The following PDK3 variants were observed in gnomAD, a reference collection of about 807,000 sequenced individuals.
PDK3 encodes pyruvate dehydrogenase kinase, isozyme 3.
A neutral mutation model predicts 32.0 loss-of-function variants in PDK3; 12 were observed. The ratio of observed to expected loss-of-function variants is 0.37; its 90% CI spans 0.24 to 0.61. The LOEUF (loss-of-function observed/expected upper bound fraction) is 0.61. Ranked by LOEUF, PDK3 falls within the 20% of genes least tolerant of loss-of-function variation. PDK3 has a pLI of 0.65. For synonymous variants in PDK3, 122 were observed against 116.3 expected, an observed-to-expected ratio of 1.05 and a Z score of -0.31; for missense variants, 188 against 316.9, an observed-to-expected ratio of 0.59 and a Z score of 3.09.
chrX:24,511,393 G>A (rs1007587758), intron 5 of PDK3, among the ~76,000 whole-genome samples: 1 of 111,831 alleles, frequency 8.9e-6, no homozygotes, highest in African/African-American at 3.2e-5. Context: ...TGGATGTTAC[G>A]AGAGTAAGGG....
At chrX:24,533,307 T>C (rs183776859) in intron 10 of PDK3, among the ~76,000 whole-genome samples, 66 of 108,262 alleles carry the variant, frequency 6.1e-4, no homozygotes, top group Non-Finnish European at 1.0e-3. Flanking sequence ...CGGCTAATTT[T>C]TTGTATTTTT....
At chrX:24,491,719 CT>C (rs1277284190) in intron 1 of PDK3, among the ~76,000 whole-genome samples, 1 of 111,416 alleles carries the variant, frequency 9.0e-6, no homozygotes, top group Non-Finnish European at 1.9e-5. Flanking sequence ...CTTTGGGAGG[CT>C]GAGACGGGAG....
At chrX:24,524,985 C>T (rs769553787) in intron 6 of PDK3, among the ~76,000 whole-genome samples, 188 of 110,437 alleles carry the variant, frequency 1.7e-3, no homozygotes, top group African/African-American at 4.8e-3. Flanking sequence ...GGCAAAACCC[C>T]GTCTCTACTA....
At chrX:24,479,455 C>T (rs1436703029) in intron 1 of PDK3, among the ~76,000 whole-genome samples, 1 of 111,510 alleles carries the variant, frequency 9.0e-6, no homozygotes, top group African/African-American at 3.3e-5. Context: ...TTGACCTGAG[C>T]TTGACTTCAG....
chrX:24,466,241 G>A (rs1660202237), intron 1 of PDK3, among the ~76,000 whole-genome samples: 2 of 111,710 alleles, frequency 1.8e-5, no homozygotes, highest in Admixed American at 9.5e-5. Context: ...GTGGGCTGGT[G>A]GGCGGCTTTC....
At chrX:24,494,226 G>A (rs1921644006) in intron 1 of PDK3, among the ~76,000 whole-genome samples, 1 of 112,260 alleles carries the variant, frequency 8.9e-6, no homozygotes, top group Non-Finnish European at 1.9e-5. Context: ...GAAGCACAGG[G>A]TCTCTGGGGT....
intron 1 of PDK3, among the ~76,000 whole-genome samples, chrX:24,477,326 T>C (rs1011088455): frequency 1.6e-4 from 18 of 111,818 alleles, no homozygotes; most frequent in African/African-American, 3.6e-4. Flanking sequence ...TAAAGTGCCA[T>C]TGGCCATTTT....
intron 5 of PDK3, among the ~76,000 whole-genome samples, chrX:24,509,665 C>T (rs1413285573): frequency 9.0e-6 from 1 of 111,600 alleles, no homozygotes; most frequent in African/African-American, 3.3e-5. Context: ...AGGAAAAAAA[C>T]AGTGGAGGTG....
At chrX:24,523,749 C>G (rs189315579) in intron 6 of PDK3, among the ~76,000 whole-genome samples, 3 of 111,634 alleles carry the variant, frequency 2.7e-5, no homozygotes, top group African/African-American at 9.8e-5. Context: ...ATTTGGGGGC[C>G]TCTCTGCTCA....
At chrX:24,502,930 C>T (rs1378123057) in intron 3 of PDK3, among the ~76,000 whole-genome samples, 2 of 111,999 alleles carry the variant, frequency 1.8e-5, no homozygotes, top group African/African-American at 6.5e-5. Flanking sequence ...TTTAATCAGT[C>T]CTTGGAGATT....
intron 5 of PDK3, among the ~76,000 whole-genome samples, chrX:24,507,551 T>C (rs921170406): frequency 8.9e-6 from 1 of 112,039 alleles, no homozygotes; most frequent in Non-Finnish European, 1.9e-5. Flanking sequence ...AAAGCAATGC[T>C]AGTACACAGT....
chrX:24,484,471 A>G (rs1215569743), intron 1 of PDK3, among the ~76,000 whole-genome samples: 2 of 112,805 alleles, frequency 1.8e-5, no homozygotes, highest in African/African-American at 6.4e-5. Context: ...CTGGGCCCAC[A>G]GAGAAATCCA....
At position 24,477,242 on chromosome X, in the gene PDK3, C is replaced by T. The variant is rs373555060; in HGVS notation, c.106+11681C>T. 4.5e-5 allele frequency among the ~76,000 whole-genome samples: 5 copies of T among 111,952 alleles called. No individual in the cohort carries two copies. In the South Asian group the frequency reaches 1.1e-3, roughly 25 times the overall value. ...CAAAATGAGGTTTTATGATTTTAAT[C>T]GCATCATAGGTAACATAGGAATGAA... On this transcript the variant is annotated intron_variant, in intron 1 of 10. Transcript: ENST00000379162.
chrX:24,470,334 T>C (rs1920977636), intron 1 of PDK3, among the ~76,000 whole-genome samples: 2 of 111,911 alleles, frequency 1.8e-5, no homozygotes, highest in African/African-American at 3.2e-5. Flanking sequence ...TTCTGTGTTA[T>C]TGATCTCTGT....
At chrX:24,501,815 T>C (rs953637919) in intron 3 of PDK3, among the ~76,000 whole-genome samples, 1 of 112,719 alleles carries the variant, frequency 8.9e-6, no homozygotes, top group African/African-American at 3.2e-5. Flanking sequence ...TTTTGCTGTA[T>C]GTTGCTGATT....
chrX:24,528,823 G>A (rs1602127045), intron 9 of PDK3, among the ~76,000 whole-genome samples: 1 of 111,619 alleles, frequency 9.0e-6, no homozygotes, highest in Non-Finnish European at 1.9e-5. Flanking sequence ...ATCCTGGTAG[G>A]GCCACACTTG....
chrX:24,491,285 A>G (rs1284970188), intron 1 of PDK3, among the ~76,000 whole-genome samples: 1 of 109,812 alleles, frequency 9.1e-6, no homozygotes, highest in East Asian at 2.8e-4. Flanking sequence ...TCTCAAAAAA[A>G]AAAAAAAAGA....
chrX:24,507,680 A>G (rs1179861395), intron 5 of PDK3, among the ~76,000 whole-genome samples: 1 of 112,487 alleles, frequency 8.9e-6, no homozygotes, highest in East Asian at 2.8e-4. Context: ...TGTTTCTGGC[A>G]TAAATTATAA....
intron 5 of PDK3, among the ~76,000 whole-genome samples, chrX:24,509,769 G>T (rs1026942226): frequency 9.0e-6 from 1 of 111,389 alleles, no homozygotes; most frequent in Non-Finnish European, 1.9e-5. Context: ...GATGCATACC[G>T]ATACCCACAG....
Sources: allele counts gnomAD v4.1 joint callset (sites outside exome capture counted in the v4.1 genomes callset), GRCh38; gene constraint gnomAD v4.1.1; transcripts MANE v1.5; gene names NCBI Gene and HGNC (gene_info 2026-07-23, HGNC 2026-07-21).